The following C1orf167 variants were observed in gnomAD, a reference collection of about 807,000 sequenced individuals.
C1orf167 encodes chromosome 1 open reading frame 167.
In C1orf167, 153 loss-of-function variants were observed where a neutral mutation model predicts 176.5. The observed-to-expected ratio is 0.87, with a 90% CI of 0.76 to 0.99. The LOEUF is 0.99. Among genes scored for constraint, C1orf167 ranks in the 50% least tolerant of loss-of-function variants. C1orf167 has a pLI of 0.00. For missense variants in C1orf167, 1,490 were observed against 1,817.7 expected, an observed-to-expected ratio of 0.82 and a Z score of 3.28; for synonymous variants, 594 against 752.7, an observed-to-expected ratio of 0.79 and a Z score of 3.45.
rs560354825 is a variant in C1orf167, at chr1:11,766,012, G to C, written c.226G>C (p.Ala76Pro). Residue 76 changes from alanine (A) to proline (P), a missense_variant, in exon 3 of 21, where the codon GCC becomes CCC. Ala to Pro is a conservative substitution (Grantham distance 27, BLOSUM62 -1). Coordinates refer to ENST00000688073, the MANE Select transcript of C1orf167 (RefSeq NM_001010881.2). This position sits in a 1 kb window ranked among gnomAD's most constrained non-coding sequence, Gnocchi z 4.5. ...QEPCRVQTNL[A>P]SPGPRLGLAL... ...GCCCTGCCGAGTCCAGACCAACCTG[G>C]CCAGCCCTGGTCCCCGCCTGGGCCT... is the stretch of plus-strand genomic sequence containing the variant. 17 of 1,289,718 alleles carry C rather than the reference G, an allele frequency of 1.3e-5. No homozygotes were observed. The East Asian group carries it at 8.3e-4, about 63-fold the overall frequency. 79.9% of individuals were successfully genotyped at this position (1,289,718 alleles called of 1,614,324 possible).
At chr1:11,771,471 G>C (rs539987188) in intron 6 of C1orf167, 53 bp from the exon 7 acceptor site, 21 of 1,187,622 alleles carry the variant, frequency 1.8e-5, no homozygotes, top group Non-Finnish European at 2.0e-5. Flanking sequence ...GGTTGGGACC[G>C]AGTGCCCTTC....
intron 6 of C1orf167, 37 bp from the exon 7 acceptor site, chr1:11,771,487 G>T: frequency 1.6e-6 from 2 of 1,261,404 alleles, no homozygotes; most frequent in Non-Finnish European, 2.1e-6. Flanking sequence ...CCTTCCTCCC[G>T]GGTCATCAGC....
rs1212251869 is a variant in C1orf167, at chr1:11,789,483, G to C, written c.*37G>C. 2.3e-6 allele frequency: 3 copies of C among 1,294,574 alleles called. No homozygotes were observed. The highest frequency in any genetic ancestry group is 3.1e-5 in the African/African-American group (2 of 65,532). 80.2% of individuals were successfully genotyped at this position (1,294,574 alleles called of 1,614,324 possible). ...AGAATAAAAAACAGAACTGAACTTA[G>C]CCTTCCCAGGGAAGGAACCATGCCC... On this transcript the variant is annotated 3_prime_UTR_variant, in exon 21 of 21. Transcript: ENST00000688073.
chr1:11,787,668 C>T (rs1435445058), intron 17 of C1orf167, 175 bp downstream of exon 17: 33 of 898,972 alleles, frequency 3.7e-5, no homozygotes, highest in African/African-American at 5.3e-5. Context: ...AAACACTTTG[C>T]ATTCCTGCCC....
intron 12 of C1orf167, 24 bp from the exon 13 acceptor site, chr1:11,779,778 C>T: frequency 3.9e-6 from 5 of 1,284,948 alleles, no homozygotes; most frequent in Non-Finnish European, 5.1e-6. Context: ...TGGCCATCCT[C>T]AGGGTGGACC....
rs955251247 is a variant in C1orf167, at chr1:11,766,447, C to T, written c.661C>T (p.Leu221=). The T allele has an allele frequency of 7.8e-7, 1 of 1,286,348 alleles. No individual in the cohort carries two copies. The highest frequency in any genetic ancestry group is 1.0e-6 in the Non-Finnish European group (1 of 987,154). 79.7% of individuals were successfully genotyped at this position (1,286,348 alleles called of 1,614,324 possible). ...LVGEPLTLED[L]AVPSQNQTQA... ...GGGGGAACCTCTCACCCTGGAGGAC[C>T]TGGCTGTCCCCAGTCAGAACCAGAC... Residue 221 remains leucine, a synonymous_variant, in exon 3 of 21, where the codon CTG becomes TTG. Transcript: ENST00000688073. The surrounding 1 kb of genome is among the most constrained non-coding windows in gnomAD (Gnocchi z 4.5).
intron 1 of C1orf167, among the ~76,000 whole-genome samples, chr1:11,763,245 T>C (rs1642611876): frequency 6.6e-6 from 1 of 152,102 alleles, no homozygotes; most frequent in African/African-American, 2.4e-5. Flanking sequence ...TTCGAGACCA[T>C]CCTGGCCATC....
chr1:11,773,697 G>T (rs570175063), intron 8 of C1orf167, among the ~76,000 whole-genome samples: 34 of 152,088 alleles, frequency 2.2e-4, no homozygotes, highest in Non-Finnish European at 4.7e-4. Context: ...GACAGAGTGA[G>T]ACTCCATCTC....
chr1:11,783,065 G>GT lies in C1orf167; in HGVS notation c.3005+733dup, dbSNP rs201084059. ...TCTTCATTTAAGTAAAGATGTTCTGGTGGAACATGTATACAGTTCATGAAT... is the reference window on the plus strand; with the variant it reads ...TCTTCATTTAAGTAAAGATGTTCTGGTTGGAACATGTATACAGTTCATGAAT... On this transcript the variant is annotated intron_variant, in intron 14 of 20. Coordinates refer to ENST00000688073, the MANE Select transcript of C1orf167 (RefSeq NM_001010881.2). 1.6e-3 allele frequency among the ~76,000 whole-genome samples: 237 copies of GT among 152,178 alleles called. 4 individuals are homozygous for GT. Among genetic ancestry groups the GT allele is most frequent in the African/African-American group, 5.6e-3 (232 of 41,508 alleles).
intron 13 of C1orf167, among the ~76,000 whole-genome samples, chr1:11,780,250 A>G (rs941264318): frequency 2.0e-5 from 3 of 152,248 alleles, no homozygotes; most frequent in Non-Finnish European, 4.4e-5. Context: ...AATGCAGTTG[A>G]TCAGAGAGGT....
chr1:11,782,403 G>C, intron 14 of C1orf167, 70 bp downstream of exon 14: 2 of 1,150,404 alleles, frequency 1.7e-6, no homozygotes, highest in Non-Finnish European at 2.2e-6. Context: ...AGCACCCAGG[G>C]GGTGGGAAGC....
At chr1:11,769,864 G>C (rs868226551) in intron 6 of C1orf167, among the ~76,000 whole-genome samples, 34 of 151,834 alleles carry the variant, frequency 2.2e-4, no homozygotes, top group Admixed American at 1.1e-3. Flanking sequence ...GTAGAGACGG[G>C]GTTTCACCGT....
At chr1:11,771,967 C>G (rs749897388) in intron 7 of C1orf167, 115 bp from the exon 8 acceptor site, 70 of 779,196 alleles carry the variant, frequency 9.0e-5, no homozygotes, top group Non-Finnish European at 1.3e-4. Context: ...ACTTCACTTA[C>G]TCAGAGATGG....
intron 13 of C1orf167, among the ~76,000 whole-genome samples, 179 bp downstream of exon 13, chr1:11,780,189 G>C (rs1043203956): frequency 5.3e-5 from 8 of 152,218 alleles, no homozygotes; most frequent in African/African-American, 1.9e-4. Context: ...AACATCTGTG[G>C]TTTAAAACTA....
At chr1:11,772,732 C>T (rs1414918993) in intron 8 of C1orf167, among the ~76,000 whole-genome samples, 8 of 152,210 alleles carry the variant, frequency 5.3e-5, no homozygotes, top group Non-Finnish European at 1.2e-4. Flanking sequence ...CACCTCTGCC[C>T]ATCATCACAG....
At chr1:11,779,128 C>G in intron 12 of C1orf167, 48 bp downstream of exon 12, 1 of 1,207,088 alleles carries the variant, frequency 8.3e-7, no homozygotes, top group South Asian at 1.5e-5. Flanking sequence ...CTTACTGTTT[C>G]CCGGCCCCTT....
Position 11,788,393 on chromosome 1 carries a change from C to A in C1orf167, c.4078+15C>A. ...TGCGGACCCTGGTGAGTGGGTGCAC[C>A]CCTCTCCACACTGACCATCTCCCAT... On this transcript the variant is annotated intron_variant, in intron 19 of 20. Transcript: ENST00000688073. The A allele has an allele frequency of 7.8e-7, 1 of 1,283,648 alleles. No individual in the cohort carries two copies. Among genetic ancestry groups the A allele is most frequent in the Non-Finnish European group, 1.0e-6 (1 of 973,902 alleles). The allele number at this position is 1,283,648 out of a possible 1,614,324, so 79.5% of individuals were successfully genotyped here.
chr1:11,769,670 G>C (rs1438469337), intron 6 of C1orf167, among the ~76,000 whole-genome samples: 1 of 111,030 alleles, frequency 9.0e-6, no homozygotes, highest in African/African-American at 3.1e-5. Context: ...ATGATGTTTA[G>C]GAAGTTTTTT....
At position 11,789,450 on chromosome 1, in the gene C1orf167, G is replaced by C. The variant is rs1644018417; in HGVS notation, c.*4G>C. 7.7e-7 allele frequency: 1 copy of C among 1,302,932 alleles called. No individual in the cohort carries two copies. The highest frequency in any genetic ancestry group is 1.0e-6 in the Non-Finnish European group (1 of 988,552). 80.7% of individuals were successfully genotyped at this position (1,302,932 alleles called of 1,614,324 possible). A position where few individuals can be genotyped will look rare whatever the true frequency, so the allele number is the denominator to read the frequency against. Reference sequence around the variant, plus strand: ...TGGGGCCCAGCTGCAGCTGTGACTTGTTCTCATAGAATAAAAAACAGAACT... The same window carrying C: ...TGGGGCCCAGCTGCAGCTGTGACTTCTTCTCATAGAATAAAAAACAGAACT... On this transcript the variant is annotated 3_prime_UTR_variant, in exon 21 of 21. Coordinates refer to ENST00000688073, the MANE Select transcript of C1orf167 (RefSeq NM_001010881.2).
Sources: gnomAD v4.1 joint callset for allele counts (sites outside exome capture counted in the v4.1 genomes callset) on GRCh38, gnomAD v4.1.1 for gene constraint, Gnocchi (gnomAD v3.1) non-coding constraint, MANE v1.5 for transcripts, NCBI Gene and HGNC (gene_info 2026-07-23, HGNC 2026-07-21) for gene names.